Variants in DPYSL3 observed in about 807,000 individuals in gnomAD.
DPYSL3 encodes the protein dihydropyrimidinase like 3, also known as dihydropyrimidinase-related protein 3.
DPYSL3 carries 16 observed loss-of-function variants against 66.1 expected under a neutral mutation model. The ratio of observed to expected loss-of-function variants is 0.24; its 90% CI spans 0.16 to 0.37. DPYSL3 has a LOEUF of 0.37. Ranked by LOEUF, DPYSL3 falls within the 10% of genes least tolerant of loss-of-function variation. DPYSL3 has a pLI of 1.00. For missense variants in DPYSL3, 738 were observed against 916.2 expected, an observed-to-expected ratio of 0.81 and a Z score of 2.51; for synonymous variants, 338 against 345.1, an observed-to-expected ratio of 0.98 and a Z score of 0.23.
chr5:147,428,087 G>C (rs186091643), intron 1 of DPYSL3, among the ~76,000 whole-genome samples: 1 of 152,282 alleles, frequency 6.6e-6, no homozygotes, highest in East Asian at 1.9e-4. Flanking sequence ...ACTGATCCAA[G>C]TGGAATTAAC....
chr5:147,438,167 C>T (rs1752448709), intron 1 of DPYSL3, among the ~76,000 whole-genome samples: 2 of 152,138 alleles, frequency 1.3e-5, no homozygotes, highest in South Asian at 4.1e-4. Flanking sequence ...TACAGGCTTC[C>T]ATCTGTCTGT....
At chr5:147,479,139 A>G (rs1435781278) in intron 1 of DPYSL3, among the ~76,000 whole-genome samples, 1 of 152,220 alleles carries the variant, frequency 6.6e-6, no homozygotes, top group East Asian at 1.9e-4. Flanking sequence ...CAAACTGTGA[A>G]GCATTCTGGA....
At chr5:147,424,853 G>C in intron 2 of DPYSL3, 22 bp downstream of exon 2, 2 of 1,550,836 alleles carry the variant, frequency 1.3e-6, no homozygotes, top group Non-Finnish European at 1.8e-6. Context: ...AAACAATAAA[G>C]AGAAGAATTC....
intron 1 of DPYSL3, among the ~76,000 whole-genome samples, chr5:147,446,966 C>T (rs113660830): frequency 1.3e-4 from 20 of 152,322 alleles, no homozygotes; most frequent in South Asian, 6.2e-4. Context: ...GGAACTACTG[C>T]TTTCTTGCCT....
chr5:147,412,890 A>G (rs1200375876), intron 5 of DPYSL3, among the ~76,000 whole-genome samples: 1 of 152,122 alleles, frequency 6.6e-6, no homozygotes, highest in Non-Finnish European at 1.5e-5. Flanking sequence ...TATATAAAGA[A>G]CCTACCATGT....
At chr5:147,461,945 C>T (rs914877055) in intron 1 of DPYSL3, among the ~76,000 whole-genome samples, 11 of 152,126 alleles carry the variant, frequency 7.2e-5, no homozygotes, top group African/African-American at 2.7e-4. Context: ...CCCTACCCCA[C>T]CAAAGATAGA....
intron 6 of DPYSL3, 128 bp from the exon 7 acceptor site, chr5:147,408,924 T>C (rs1406928632): frequency 4.4e-6 from 4 of 908,838 alleles, no homozygotes; most frequent in Non-Finnish European, 6.9e-6. Context: ...ATTAATCCTA[T>C]ATTTGGAGTT....
At chr5:147,407,776 A>T (rs565224243) in intron 7 of DPYSL3, among the ~76,000 whole-genome samples, 2 of 152,248 alleles carry the variant, frequency 1.3e-5, no homozygotes, top group South Asian at 4.1e-4. Context: ...ACAAAATTAT[A>T]AATTATTTAA....
At chr5:147,456,896 T>G (rs1244697809) in intron 1 of DPYSL3, among the ~76,000 whole-genome samples, 1 of 152,106 alleles carries the variant, frequency 6.6e-6, no homozygotes, top group Non-Finnish European at 1.5e-5. Flanking sequence ...CAGCCAGTTC[T>G]ATCTTTTAAA....
rs187816643 is a variant in DPYSL3 at position 147,415,182 on chromosome 5, C to T, written c.820+527G>A. Among the ~76,000 whole-genome samples, 28 of 152,246 alleles carry T rather than the reference C, an allele frequency of 1.8e-4. No homozygotes were observed. In the East Asian group the frequency reaches 4.5e-3, roughly 24 times the overall value. Reference sequence around the variant, plus strand: ...ACATATACATGAACATGTTTTCACACCCTAAGCTCCCAGCCTGAGTACCAA... The same window carrying T: ...ACATATACATGAACATGTTTTCACATCCTAAGCTCCCAGCCTGAGTACCAA... On this transcript the variant is annotated intron_variant, in intron 4 of 13. Transcript: ENST00000343218.
intron 8 of DPYSL3, among the ~76,000 whole-genome samples, chr5:147,404,787 A>G (rs754375896): frequency 2.0e-5 from 3 of 152,240 alleles, no homozygotes; most frequent in Non-Finnish European, 4.4e-5. Flanking sequence ...AGCCAGGGTC[A>G]TGAAGGCCAT....
chr5:147,499,517 T>C (rs1182512312), intron 1 of DPYSL3, among the ~76,000 whole-genome samples: 2 of 152,048 alleles, frequency 1.3e-5, no homozygotes, highest in African/African-American at 4.8e-5. Flanking sequence ...GTGAGATCCA[T>C]ATGGGGAAAG....
rs139499931 is a variant in DPYSL3 at position 147,421,321 on chromosome 5, C to G, written c.471-2690G>C. On this transcript the variant is annotated intron_variant, in intron 2 of 13. Transcript: ENST00000343218. Reference sequence around the variant, plus strand: ...ACAACTTACAAGGGATGTGAAGGACCTCTTCAAGGAGAACTATAATCCACT... The same window carrying G: ...ACAACTTACAAGGGATGTGAAGGACGTCTTCAAGGAGAACTATAATCCACT... Among the ~76,000 whole-genome samples the G allele has an allele frequency of 0.012, 1,894 of 152,184 alleles. 88 individuals are homozygous for G. The East Asian group carries it at 0.16, about 13-fold the overall frequency.
chr5:147,482,509 C>T (rs887608017), intron 1 of DPYSL3, among the ~76,000 whole-genome samples: 2 of 152,010 alleles, frequency 1.3e-5, no homozygotes, highest in African/African-American at 4.8e-5. Context: ...ATTTCTAGAA[C>T]TCTTGAATTT....
intron 1 of DPYSL3, among the ~76,000 whole-genome samples, chr5:147,425,791 G>A (rs1752184206): frequency 6.6e-6 from 1 of 152,168 alleles, no homozygotes; most frequent in Non-Finnish European, 1.5e-5. Context: ...AGTCAGGAGA[G>A]GGACAAATCA....
intron 1 of DPYSL3, among the ~76,000 whole-genome samples, chr5:147,447,753 C>A (rs573658784): frequency 4.6e-5 from 7 of 152,114 alleles, no homozygotes; most frequent in Non-Finnish European, 1.0e-4. Context: ...GTCTGTAATC[C>A]CAGCTACTCA....
chr5:147,485,819 C>T (rs990548119), intron 1 of DPYSL3, among the ~76,000 whole-genome samples: 1 of 152,154 alleles, frequency 6.6e-6, no homozygotes, highest in Non-Finnish European at 1.5e-5. Context: ...TTTTTCCTTT[C>T]TCATCTGTAA....
intron 1 of DPYSL3, among the ~76,000 whole-genome samples, chr5:147,453,342 TTG>T (rs1345699712): frequency 6.6e-6 from 1 of 152,146 alleles, no homozygotes; most frequent in Non-Finnish European, 1.5e-5. Context: ...GGTTTCCTCT[TTG>T]TTTTGTTTTC....
chr5:147,497,502 A>G (rs969630409), intron 1 of DPYSL3, among the ~76,000 whole-genome samples: 2 of 152,228 alleles, frequency 1.3e-5, no homozygotes, highest in Admixed American at 6.5e-5. Context: ...GAATTCAACC[A>G]TGTATACAGA....
Sources: allele counts gnomAD v4.1 joint callset (sites outside exome capture counted in the v4.1 genomes callset), GRCh38; gene constraint gnomAD v4.1.1; transcripts MANE v1.5; gene names NCBI Gene and HGNC (gene_info 2026-07-23, HGNC 2026-07-21).